Variants in PPFIA2 observed in about 807,000 individuals in gnomAD.
PPFIA2 encodes liprin-alpha-2.
Under a neutral mutation model 175.5 loss-of-function variants are expected in PPFIA2, and 46 were observed. That is an observed-to-expected ratio of 0.26 (90% CI 0.21 to 0.34). The LOEUF (loss-of-function observed/expected upper bound fraction) is 0.34, where lower values mean the gene tolerates loss of function less well. Ranked by LOEUF, PPFIA2 falls within the 10% of genes least tolerant of loss-of-function variation. PPFIA2 has a pLI of 1.00. For missense variants in PPFIA2, 1,179 were observed against 1,506.1 expected, an observed-to-expected ratio of 0.78 and a Z score of 3.60; for synonymous variants, 568 against 511.4, an observed-to-expected ratio of 1.11 and a Z score of -1.49.
intron 4 of PPFIA2, among the ~76,000 whole-genome samples, chr12:81,553,264 C>A (rs1313613925): frequency 1.3e-5 from 2 of 151,848 alleles, no homozygotes; most frequent in Admixed American, 6.6e-5. Context: ...GAAAAAAAAC[C>A]AAGAAGCATT....
At chr12:81,612,069 C>A (rs537445433) in intron 4 of PPFIA2, among the ~76,000 whole-genome samples, 2 of 152,146 alleles carry the variant, frequency 1.3e-5, no homozygotes, top group East Asian at 3.9e-4. Flanking sequence ...TCAGCTTTTT[C>A]TCTCCCAATA....
chr12:81,309,099 T>G (rs563163894), intron 22 of PPFIA2, among the ~76,000 whole-genome samples: 2 of 152,248 alleles, frequency 1.3e-5, no homozygotes, highest in South Asian at 4.1e-4. Flanking sequence ...TAGCAGGAAA[T>G]GTACACAGAC....
intron 4 of PPFIA2, among the ~76,000 whole-genome samples, chr12:81,573,251 C>G (rs1237633529): frequency 6.6e-6 from 1 of 151,824 alleles, no homozygotes; most frequent in Non-Finnish European, 1.5e-5. Context: ...GAGCACCACA[C>G]AAAACAGTAG....
At chr12:81,516,362 C>T (rs188777268) in intron 4 of PPFIA2, among the ~76,000 whole-genome samples, 13 of 152,248 alleles carry the variant, frequency 8.5e-5, no homozygotes, top group Middle Eastern at 6.8e-3. Context: ...CCAGACATTT[C>T]CAATTATAAT....
chr12:81,590,414 C>G (rs1402835213), intron 4 of PPFIA2, among the ~76,000 whole-genome samples: 1 of 152,140 alleles, frequency 6.6e-6, no homozygotes, highest in Non-Finnish European at 1.5e-5. Context: ...CATTTGATTA[C>G]AGAGATATGA....
intron 7 of PPFIA2, among the ~76,000 whole-genome samples, chr12:81,406,979 A>C (rs1249986081): frequency 6.6e-6 from 1 of 152,188 alleles, no homozygotes; most frequent in African/African-American, 2.4e-5. Flanking sequence ...TGTGTCCATG[A>C]CATCAGTTGA....
At chr12:81,642,717 T>TGTATATAATATATACATACATGTATATAA (rs1407968415) in intron 4 of PPFIA2, among the ~76,000 whole-genome samples, 1 of 89,994 alleles carries the variant, frequency 1.1e-5, no homozygotes, top group African/African-American at 3.9e-5. Flanking sequence ...TATGTATGTA[T>TGTATATAATATATACATACATGTATATAA]TATATACATA....
chr12:81,525,265 A>G (rs1406265279), intron 4 of PPFIA2, among the ~76,000 whole-genome samples: 1 of 152,152 alleles, frequency 6.6e-6, no homozygotes, highest in Admixed American at 6.5e-5. Flanking sequence ...CTCTTATGTT[A>G]CAGAACTTGT....
chr12:81,460,068 C>T (rs939906280), intron 4 of PPFIA2, among the ~76,000 whole-genome samples: 36 of 152,024 alleles, frequency 2.4e-4, no homozygotes, highest in African/African-American at 8.7e-4. Context: ...TAGAGGTACC[C>T]TTTTTCCTTA....
At chr12:81,343,530 A>T (rs11114827) in intron 19 of PPFIA2, among the ~76,000 whole-genome samples, 28,776 of 151,522 alleles carry the variant, frequency 0.19, 4,053 homozygotes, top group East Asian at 0.42. Context: ...TATTTTTTTT[A>T]AAAAAAGGAC....
chr12:81,684,100 G>A (rs1250261420), intron 3 of PPFIA2, among the ~76,000 whole-genome samples: 2 of 151,974 alleles, frequency 1.3e-5, no homozygotes, highest in African/African-American at 2.4e-5. Context: ...GGTTTGAAGG[G>A]GACAAACATT....
At chr12:81,622,172 A>G (rs1040055730) in intron 4 of PPFIA2, among the ~76,000 whole-genome samples, 1 of 152,232 alleles carries the variant, frequency 6.6e-6, no homozygotes, top group African/African-American at 2.4e-5. Flanking sequence ...GGAATGAGAA[A>G]GAAGGTGATG....
At chr12:81,754,389 A>T (rs1332394071) in intron 2 of PPFIA2, among the ~76,000 whole-genome samples, 166 bp from the exon 3 acceptor site, 1 of 152,184 alleles carries the variant, frequency 6.6e-6, no homozygotes, top group Non-Finnish European at 1.5e-5. Flanking sequence ...ACCTCAATGA[A>T]ATATGATCCA....
chr12:81,469,262 A>T (rs114559678), intron 4 of PPFIA2, among the ~76,000 whole-genome samples: 113 of 152,304 alleles, frequency 7.4e-4, no homozygotes, highest in African/African-American at 2.7e-3. Flanking sequence ...TGACACTTTG[A>T]TTATTTCTCT....
chr12:81,674,978 G>A (rs751750515), intron 4 of PPFIA2, among the ~76,000 whole-genome samples: 8 of 152,000 alleles, frequency 5.3e-5, no homozygotes, highest in East Asian at 1.9e-4. Context: ...GATTAGCTAA[G>A]CCCTTATGCA....
At chr12:81,302,721 A>T (rs1469317009) in intron 22 of PPFIA2, 3 of 451,634 alleles carry the variant, frequency 6.6e-6, no homozygotes, top group African/African-American at 2.0e-5. Flanking sequence ...ACAATTATTT[A>T]AAAAAGAACA....
intron 21 of PPFIA2, among the ~76,000 whole-genome samples, chr12:81,335,064 G>T (rs1921031): frequency 0.16 from 24,107 of 152,166 alleles, 2,069 homozygotes; most frequent in Middle Eastern, 0.23. Context: ...GTTTGGAATT[G>T]ATGCTGTGGT....
intron 4 of PPFIA2, among the ~76,000 whole-genome samples, chr12:81,603,416 C>T (rs1202930827): frequency 6.6e-5 from 10 of 151,446 alleles, no homozygotes; most frequent in Non-Finnish European, 1.0e-4. Context: ...CTTGGTAAAC[C>T]AGAACTTGGT....
intron 4 of PPFIA2, among the ~76,000 whole-genome samples, chr12:81,648,876 A>G (rs1364517739): frequency 1.3e-5 from 2 of 152,046 alleles, no homozygotes; most frequent in African/African-American, 4.8e-5. Context: ...ATGGTAATTT[A>G]AGGAAGAAAT....
Sources: gnomAD v4.1 joint callset for allele counts (sites outside exome capture counted in the v4.1 genomes callset) on GRCh38, gnomAD v4.1.1 for gene constraint, MANE v1.5 for transcripts, NCBI Gene and HGNC (gene_info 2026-07-23, HGNC 2026-07-21) for gene names.